Variants in ZFP2 observed in about 807,000 individuals in gnomAD.
ZFP2 encodes ZFP2 zinc finger protein.
ZFP2 carries 33 observed loss-of-function variants against 36.1 expected under a neutral mutation model. The observed-to-expected ratio is 0.92, with a 90% CI of 0.69 to 1.22. The LOEUF (loss-of-function observed/expected upper bound fraction) is 1.22. Among genes scored for constraint, ZFP2 ranks in the 50% most tolerant of loss-of-function variants. The probability of loss-of-function intolerance (pLI) is 0.00; values close to 1 mark genes in which losing one functional copy is unlikely to be tolerated. For synonymous variants in ZFP2, 170 were observed against 178.0 expected (o/e 0.96, Z 0.36); for missense variants, 522 against 551.4 (o/e 0.95, Z 0.53).
At chr5:178,919,040 A>G (rs558940414) in intron 4 of ZFP2, among the ~76,000 whole-genome samples, 1 of 152,320 alleles carries the variant, frequency 6.6e-6, no homozygotes, top group East Asian at 1.9e-4. Context: ...CAGTGGCCAT[A>G]TTGGTCACAC....
intron 3 of ZFP2, among the ~76,000 whole-genome samples, chr5:178,915,289 C>T (rs1202092822): frequency 6.7e-6 from 1 of 150,138 alleles, no homozygotes; most frequent in Non-Finnish European, 1.5e-5. Context: ...ATTCGTGCTT[C>T]CCTACTGGGT....
rs773034106 is a variant in ZFP2 at position 178,931,366 on chromosome 5, AT to A, written c.54del (p.Asn18LysfsTer4). 4 of 1,613,626 alleles carry A rather than the reference AT, an allele frequency of 2.5e-6. No homozygotes were observed. In the African/African-American group the frequency reaches 5.3e-5, roughly 22 times the overall value. On this transcript the variant is annotated frameshift_variant, in exon 5 of 5. Coordinates refer to ENST00000361362, the MANE Select transcript of ZFP2 (RefSeq NM_030613.4). LOFTEE classifies it high-confidence loss of function. The stretch of plus-strand genomic sequence containing the variant: ...ACTCTAGGGGAAACCTGGGAACCTA[AT>A]AATTGGTTAGAGGGACAACAGGATA... ...HSTLGETWEPNNWLEGQQDSH... is the reference protein window; with the variant it reads ...HSTLGETWEPXNWLEGQQDSH...
rs1758255991 is a variant in ZFP2, at chr5:178,909,971, A to G, written c.-449-2613A>G. 5 of 1,406,426 alleles carry G rather than the reference A, an allele frequency of 3.6e-6. No individual in the cohort carries two copies. The South Asian group carries it at 5.8e-5, about 16-fold the overall frequency. 87.1% of individuals were successfully genotyped at this position (1,406,426 alleles called of 1,614,324 possible). On this transcript the variant is annotated intron_variant, in intron 1 of 4. Coordinates refer to ENST00000361362, the MANE Select transcript of ZFP2 (RefSeq NM_030613.4). ...TCAGCCATTGGTCCAATACTGGAGA[A>G]TTGTTCTGGGTAGAGACTAGTTTCC...
chr5:178,900,323 C>A lies in ZFP2; in HGVS notation c.-450+4349C>A, dbSNP rs186879387. 3.8e-3 allele frequency among the ~76,000 whole-genome samples: 571 copies of A among 151,206 alleles called. 2 individuals are homozygous for A. Among genetic ancestry groups the A allele is most frequent in the Non-Finnish European group, 5.3e-3 (356 of 67,714 alleles). On this transcript the variant is annotated intron_variant, in intron 1 of 4. Coordinates refer to ENST00000361362, the MANE Select transcript of ZFP2 (RefSeq NM_030613.4). ...GCCAGCCAGTGTCCTCGTGCCACTT[C>A]TACTCCACGTCCCCCTCCCCAGCCA... is the stretch of plus-strand genomic sequence containing the variant.
At chr5:178,928,661 G>A (rs926881038) in intron 4 of ZFP2, among the ~76,000 whole-genome samples, 7 of 152,246 alleles carry the variant, frequency 4.6e-5, no homozygotes, top group African/African-American at 1.7e-4. Flanking sequence ...TCCCTGCAGT[G>A]CTCTCATGGG....
Position 178,932,304 on chromosome 5 carries a change from T to C in ZFP2, c.991T>C (p.Cys331Arg). The change falls in exon 5 of 5, where the codon TGT (cysteine) becomes CGT (arginine). Residue 331 changes from cysteine (C) to arginine (R), a missense_variant. Coordinates refer to ENST00000361362, the MANE Select transcript of ZFP2 (RefSeq NM_030613.4). ...SGVKPFECNE[C>R]GKAFSKNSSL... ...AGTAAAACCTTTTGAATGTAACGAG[T>C]GTGGAAAAGCTTTCAGTAAGAATTC... 6.2e-7 allele frequency: 1 copy of C among 1,614,124 alleles called. No individual in the cohort carries two copies. Among genetic ancestry groups the C allele is most frequent in the Non-Finnish European group, 8.5e-7 (1 of 1,180,012 alleles).
Position 178,932,921 on chromosome 5 carries a change from A to G in ZFP2, c.*222A>G, listed in dbSNP as rs1358752000. ...TTATATCAGAAGGTTTAAATAGCTAATATAAACAATGAAGAGTCATGCTGA... is the reference window on the plus strand; with the variant it reads ...TTATATCAGAAGGTTTAAATAGCTAGTATAAACAATGAAGAGTCATGCTGA... On this transcript the variant is annotated 3_prime_UTR_variant, in exon 5 of 5. Coordinates refer to ENST00000361362, the MANE Select transcript of ZFP2 (RefSeq NM_030613.4). The G allele has an allele frequency of 1.9e-6, 1 of 529,438 alleles. No homozygotes were observed. The highest frequency in any genetic ancestry group is 1.9e-5 in the African/African-American group (1 of 51,776). 32.8% of individuals were successfully genotyped at this position (529,438 alleles called of 1,614,324 possible).
intron 4 of ZFP2, chr5:178,922,830 A>T (rs1448256272): frequency 2.6e-6 from 3 of 1,170,236 alleles, no homozygotes; most frequent in East Asian, 5.2e-5. Context: ...TTATGTAGTT[A>T]CAACATGATG....
At chr5:178,896,968 T>C (rs1312991519) in intron 1 of ZFP2, among the ~76,000 whole-genome samples, 1 of 152,180 alleles carries the variant, frequency 6.6e-6, no homozygotes, top group African/African-American at 2.4e-5. Context: ...GTCATTTTAA[T>C]GAGTGTGAGG....
At chr5:178,929,941 G>GT (rs1046755786) in intron 4 of ZFP2, among the ~76,000 whole-genome samples, 1 of 145,380 alleles carries the variant, frequency 6.9e-6, no homozygotes, top group South Asian at 2.2e-4. Flanking sequence ...CTGCTTGACG[G>GT]TGGGGGGGGG....
At position 178,932,895 on chromosome 5, in the gene ZFP2, T is replaced by C; in HGVS notation, c.*196T>C. 1 of 698,382 alleles carries C rather than the reference T, an allele frequency of 1.4e-6. No homozygotes were observed. Among genetic ancestry groups the C allele is most frequent in the Non-Finnish European group, 2.2e-6 (1 of 447,610 alleles). 43.3% of individuals were successfully genotyped at this position (698,382 alleles called of 1,614,324 possible). ...TCTTGATTCAGAATGTATAATTTCC[T>C]TTATATCAGAAGGTTTAAATAGCTA... On this transcript the variant is annotated 3_prime_UTR_variant, in exon 5 of 5. Transcript: ENST00000361362.
Position 178,924,813 on chromosome 5 carries a change from A to G in ZFP2, c.-77-6424A>G, listed in dbSNP as rs141058366. On this transcript the variant is annotated intron_variant, in intron 4 of 4. Transcript: ENST00000361362. Reference sequence around the variant, plus strand: ...CAGTAAGCCGAGATTGCGCCATTGCACTACACCCTGGGCGACAAGAGCAAA... The same window carrying G: ...CAGTAAGCCGAGATTGCGCCATTGCGCTACACCCTGGGCGACAAGAGCAAA... Among the ~76,000 whole-genome samples the G allele has an allele frequency of 8.3e-4, 124 of 148,702 alleles. 5 individuals are homozygous for G. Among genetic ancestry groups the G allele is most frequent in the African/African-American group, 2.6e-3 (105 of 41,142 alleles).
intron 4 of ZFP2, among the ~76,000 whole-genome samples, chr5:178,929,401 G>A (rs1369828756): frequency 6.6e-6 from 1 of 152,134 alleles, no homozygotes; most frequent in Non-Finnish European, 1.5e-5. Context: ...TCTGAGCATA[G>A]ATTGTTAGCA....
At chr5:178,930,534 T>C (rs1234467373) in intron 4 of ZFP2, among the ~76,000 whole-genome samples, 2 of 152,074 alleles carry the variant, frequency 1.3e-5, no homozygotes, top group African/African-American at 4.8e-5. Context: ...TTGGCCAGGC[T>C]GGTCTTGAAC....
intron 4 of ZFP2, among the ~76,000 whole-genome samples, chr5:178,926,286 ACTT>A (rs1447785963): frequency 6.6e-5 from 10 of 151,412 alleles, no homozygotes; most frequent in Non-Finnish European, 4.4e-5. Flanking sequence ...TATTTCCTGA[ACTT>A]CTTCATAGTT....
At chr5:178,917,175 G>C (rs1361911159) in intron 4 of ZFP2, among the ~76,000 whole-genome samples, 1 of 152,170 alleles carries the variant, frequency 6.6e-6, no homozygotes, top group Non-Finnish European at 1.5e-5. Flanking sequence ...TTATGAAGGA[G>C]ATAAAAATTA....
chr5:178,909,726 C>T, intron 1 of ZFP2: 1 of 1,540,944 alleles, frequency 6.5e-7, no homozygotes, highest in South Asian at 1.3e-5. Flanking sequence ...CTCCTCAGGA[C>T]ACAAGCCCTC....
intron 4 of ZFP2, among the ~76,000 whole-genome samples, chr5:178,930,265 C>CATT (rs547561843): frequency 4.0e-4 from 58 of 145,718 alleles, no homozygotes; most frequent in Non-Finnish European, 7.9e-4. Context: ...TATCATATTT[C>CATT]ATTTTATTTA....
chr5:178,919,988 A>G (rs1209062526), intron 4 of ZFP2, among the ~76,000 whole-genome samples: 1 of 151,984 alleles, frequency 6.6e-6, no homozygotes, highest in Non-Finnish European at 1.5e-5. Flanking sequence ...AAATTTGATT[A>G]TGATGCATCT....
Sources: gnomAD v4.1 joint callset for allele counts (sites outside exome capture counted in the v4.1 genomes callset) on GRCh38, gnomAD v4.1.1 for gene constraint, MANE v1.5 for transcripts, NCBI Gene and HGNC (gene_info 2026-07-23, HGNC 2026-07-21) for gene names.